HPCAL4: variants seen among roughly 807,000 people sequenced by gnomAD.
The protein encoded by HPCAL4 is hippocalcin-like protein 4.
Under a neutral mutation model 18.2 loss-of-function variants are expected in HPCAL4, and 16 were observed. That is an observed-to-expected ratio of 0.88 (90% CI 0.59 to 1.33). HPCAL4 has a LOEUF of 1.33. Ranked by LOEUF, HPCAL4 falls within the 40% of genes most tolerant of loss-of-function variation. HPCAL4 has a pLI of 0.00. For synonymous variants in HPCAL4, 80 were observed against 97.5 expected, an observed-to-expected ratio of 0.82 and a Z score of 1.06; for missense variants, 214 against 256.6, an observed-to-expected ratio of 0.83 and a Z score of 1.14.
chr1:39,687,543 T>C (rs1646685336), intron 1 of HPCAL4, among the ~76,000 whole-genome samples: 1 of 152,218 alleles, frequency 6.6e-6, no homozygotes, highest in Non-Finnish European at 1.5e-5. Flanking sequence ...TGTGTGGCTC[T>C]CACCTTATAC....
In HPCAL4 at chr1:39,682,709, C is replaced by T. The variant is rs1478857861; in HGVS notation, c.403G>A (p.Val135Met). The change falls in exon 4 of 4, where the codon GTG (valine) becomes ATG (methionine). Residue 135 changes from valine (V) to methionine (M), a missense_variant. Transcript: ENST00000372844. Reference protein sequence around the residue: ...IEAIYKMVGTVIMMRMNQDGL... With the variant: ...IEAIYKMVGTMIMMRMNQDGL... ...TCCTGGTTCATGCGCATCATGATCA[C>T]GGTGCCCACCATCTTGTAGATTGCC... is the stretch of plus-strand genomic sequence containing the variant. 16 of 1,614,106 alleles carry T rather than the reference C, an allele frequency of 9.9e-6. No individual in the cohort carries two copies. The highest frequency in any genetic ancestry group is 1.3e-5 in the Non-Finnish European group (15 of 1,180,022).
rs1646650486 is a variant in HPCAL4 at position 39,684,018 on chromosome 1, C to T, written c.297G>A (p.Gln99=). Residue 99 remains glutamine, a synonymous_variant, in exon 3 of 4, where the codon CAG becomes CAA. Coordinates refer to ENST00000372844, the MANE Select transcript of HPCAL4 (RefSeq NM_016257.4). ...LSVTSRGSFE[Q]KLNWAFEMYD... is the part of the protein sequence containing the mutation. ...ACATCTCAAAGGCCCAGTTGAGCTT[C>T]TGCTCGAAGCTGCCGCGGGAGGTGA... 6.2e-7 allele frequency: 1 copy of T among 1,614,048 alleles called. No individual in the cohort carries two copies. Among genetic ancestry groups the T allele is most frequent in the African/African-American group, 1.3e-5 (1 of 75,058 alleles).
At chr1:39,689,929 T>C (rs1022808495) in intron 1 of HPCAL4, among the ~76,000 whole-genome samples, 30 of 152,192 alleles carry the variant, frequency 2.0e-4, no homozygotes, top group Admixed American at 1.6e-3. Flanking sequence ...ACCAGGTCTT[T>C]TCCCTCTTCT....
chr1:39,685,652 G>T (rs1459414930), intron 1 of HPCAL4, among the ~76,000 whole-genome samples: 3 of 152,090 alleles, frequency 2.0e-5, no homozygotes, highest in Non-Finnish European at 4.4e-5. Context: ...GGCCAAGGTG[G>T]GTGGATCACG....
Position 39,682,263 on chromosome 1 carries a change from CA to C in HPCAL4, c.*272del, listed in dbSNP as rs1646632615. 2.2e-6 allele frequency: 1 copy of C among 451,968 alleles called. No homozygotes were observed. 28.0% of individuals were successfully genotyped at this position (451,968 alleles called of 1,614,324 possible). ...AACTCCTTAACCTCACCTCCTGGGG[CA>C]AAAGCCAACTCCCCTATGCCCAATG... On this transcript the variant is annotated 3_prime_UTR_variant, in exon 4 of 4. Coordinates refer to ENST00000372844, the MANE Select transcript of HPCAL4 (RefSeq NM_016257.4).
intron 1 of HPCAL4, among the ~76,000 whole-genome samples, chr1:39,685,745 T>C (rs1646668189): frequency 6.6e-6 from 1 of 151,552 alleles, no homozygotes; most frequent in African/African-American, 2.4e-5. Context: ...CTGGGCGTCG[T>C]GGCAGGCGCC....
rs992330078 is a variant in HPCAL4 at position 39,682,432 on chromosome 1, G to T, written c.*104C>A. 1.4e-5 allele frequency: 15 copies of T among 1,050,732 alleles called. No homozygotes were observed. The highest frequency in any genetic ancestry group is 3.8e-5 in the Admixed American group (2 of 52,494). The allele number at this position is 1,050,732 out of a possible 1,614,324, so 65.1% of individuals were successfully genotyped here. On this transcript the variant is annotated 3_prime_UTR_variant, in exon 4 of 4. Coordinates refer to ENST00000372844, the MANE Select transcript of HPCAL4 (RefSeq NM_016257.4). ...GGCAGAGGACTGGGTGGGCCAGAGA[G>T]GGGGGCTGGAGTGTCCCTCCTCCTG...
chr1:39,683,354 T>C (rs543504596), intron 3 of HPCAL4, among the ~76,000 whole-genome samples: 1 of 152,300 alleles, frequency 6.6e-6, no homozygotes, highest in East Asian at 1.9e-4. Context: ...GGCCCCTCCT[T>C]GAACTCTGCA....
Position 39,684,885 on chromosome 1 carries a change from C to T in HPCAL4, c.-8-274G>A, listed in dbSNP as rs183923261. The stretch of plus-strand genomic sequence containing the variant: ...TTCATCCTCTCCCCTCCTGCTCACA[C>T]CTTTCATGGCTCCCCTGCCCACAGA... On this transcript the variant is annotated intron_variant, in intron 1 of 3. Transcript: ENST00000372844. Among the ~76,000 whole-genome samples the T allele has an allele frequency of 2.0e-5, 3 of 152,342 alleles. No homozygotes were observed. In the East Asian group the frequency reaches 5.8e-4, roughly 29 times the overall value.
intron 1 of HPCAL4, among the ~76,000 whole-genome samples, chr1:39,688,481 G>T (rs1646694251): frequency 6.6e-6 from 1 of 152,190 alleles, no homozygotes; most frequent in Non-Finnish European, 1.5e-5. Flanking sequence ...CCATAGCCAG[G>T]GACACAGCCG....
chr1:39,689,131 C>T (rs999102523), intron 1 of HPCAL4, among the ~76,000 whole-genome samples: 10 of 152,148 alleles, frequency 6.6e-5, no homozygotes, highest in African/African-American at 1.9e-4. Flanking sequence ...CAGGTTGAAG[C>T]GTGAGAAAAG....
chr1:39,682,325 A>G lies in HPCAL4; in HGVS notation c.*211T>C, dbSNP rs1467539325. 6.9e-6 allele frequency: 4 copies of G among 578,576 alleles called. No individual in the cohort carries two copies. Among genetic ancestry groups the G allele is most frequent in the Non-Finnish European group, 1.2e-5 (4 of 323,600 alleles). 35.8% of individuals were successfully genotyped at this position (578,576 alleles called of 1,614,324 possible). ...CTGGCCAAGTGGGAGGTGGGGCTAG[A>G]AGACAGGGTACTGGAGGACCTGTCT... On this transcript the variant is annotated 3_prime_UTR_variant, in exon 4 of 4. Coordinates refer to ENST00000372844, the MANE Select transcript of HPCAL4 (RefSeq NM_016257.4).
At chr1:39,686,124 T>A (rs904074994) in intron 1 of HPCAL4, among the ~76,000 whole-genome samples, 5 of 143,064 alleles carry the variant, frequency 3.5e-5, no homozygotes, top group Non-Finnish European at 7.4e-5. Context: ...GAGCTTGCGG[T>A]GAGCCGAGAT....
intron 3 of HPCAL4, 78 bp downstream of exon 3, chr1:39,683,859 C>A: frequency 7.4e-7 from 1 of 1,344,184 alleles, no homozygotes; most frequent in East Asian, 2.4e-5. Flanking sequence ...GCCCCGAAGC[C>A]CGAGAGCAGC....
intron 1 of HPCAL4, 124 bp from the exon 2 acceptor site, chr1:39,684,735 A>G: frequency 1.3e-6 from 1 of 753,638 alleles, no homozygotes; most frequent in East Asian, 3.0e-5. Context: ...ACACTCCCCC[A>G]TAATGGGGCC....
chr1:39,684,704 T>G, intron 1 of HPCAL4, 93 bp from the exon 2 acceptor site: 1 of 1,102,726 alleles, frequency 9.1e-7, no homozygotes, highest in Non-Finnish European at 1.2e-6. Flanking sequence ...AGGGCGGGGT[T>G]GCAGGTTCCT....
rs1646614915 is a variant in HPCAL4 at position 39,680,378 on chromosome 1, T to C, written c.*2158A>G. ...ACCTCCATGGGATGTGAGTATAGAA[T>C]GAGATGGGGCACATGGCAAGCCTTT... On this transcript the variant is annotated 3_prime_UTR_variant, in exon 4 of 4. Transcript: ENST00000372844. 1 of 152,128 alleles carries C rather than the reference T, an allele frequency of 6.6e-6. No individual in the cohort carries two copies. The highest frequency in any genetic ancestry group is 6.5e-5 in the Admixed American group (1 of 15,278). The allele number at this position is 152,128 out of a possible 1,614,324, so 9.4% of individuals were successfully genotyped here. A position where few individuals can be genotyped will look rare whatever the true frequency, so the allele number is the denominator to read the frequency against.
Position 39,684,604 on chromosome 1 carries a change from G to A in HPCAL4, c.-1C>T. 6.3e-7 allele frequency: 1 copy of A among 1,593,098 alleles called. No homozygotes were observed. The highest frequency in any genetic ancestry group is 8.5e-7 in the Non-Finnish European group (1 of 1,169,974). ...CCAGCTTGCTGTTGGTCTTCCCCAT[G>A]GCGGGGCCTGTGGGACAGAGGGATT... On this transcript the variant is annotated 5_prime_UTR_variant, in exon 2 of 4. Transcript: ENST00000372844.
chr1:39,682,933 G>A (rs1646639643), intron 3 of HPCAL4, among the ~76,000 whole-genome samples, 200 bp from the exon 4 acceptor site: 1 of 152,088 alleles, frequency 6.6e-6, no homozygotes, highest in Non-Finnish European at 1.5e-5. Context: ...GCCCAGGATG[G>A]AGTGCAATGG....
Sources: allele counts gnomAD v4.1 joint callset (sites outside exome capture counted in the v4.1 genomes callset), GRCh38; gene constraint gnomAD v4.1.1; transcripts MANE v1.5; gene names NCBI Gene and HGNC (gene_info 2026-07-23, HGNC 2026-07-21).